Variants in TTC21B observed in about 807,000 individuals in gnomAD.
TTC21B encodes the protein tetratricopeptide repeat protein 21B.
TTC21B carries 127 observed loss-of-function variants against 175.1 expected under a neutral mutation model. The ratio of observed to expected loss-of-function variants is 0.73; its 90% CI spans 0.63 to 0.84. The LOEUF (loss-of-function observed/expected upper bound fraction) is 0.84, where lower values mean the gene tolerates loss of function less well. Ranked by LOEUF, TTC21B falls within the 40% of genes least tolerant of loss-of-function variation. The pLI is 0.00. For synonymous variants in TTC21B, 524 were observed against 524.5 expected, an observed-to-expected ratio of 1.00 and a Z score of 0.01; for missense variants, 1,561 against 1,558.3, an observed-to-expected ratio of 1.00 and a Z score of -0.03.
At chr2:165,929,771 A>T (rs755092753) in intron 9 of TTC21B, 24 bp from the exon 10 acceptor site, 9 of 1,528,788 alleles carry the variant, frequency 5.9e-6, no homozygotes, top group Non-Finnish European at 7.2e-6. Flanking sequence ...GCAGAAAGAC[A>T]GTCAAAGTCC....
chr2:165,873,968 A>C lies in TTC21B; in HGVS notation c.*787T>G, dbSNP rs2105273250. On this transcript the variant is annotated 3_prime_UTR_variant, in exon 29 of 29. Transcript: ENST00000243344. Reference sequence around the variant, plus strand: ...TCATCTATTTATAAAACCTTTATTAAAATATATATTTAAAATATATATATT... The same window carrying C: ...TCATCTATTTATAAAACCTTTATTACAATATATATTTAAAATATATATATT... 6.6e-6 allele frequency: 1 copy of C among 152,034 alleles called. No individual in the cohort carries two copies. Among genetic ancestry groups the C allele is most frequent in the East Asian group, 1.9e-4 (1 of 5,190 alleles). The allele number at this position is 152,034 out of a possible 1,614,324, so 9.4% of individuals were successfully genotyped here.
rs184110011 is a variant in TTC21B at position 165,908,429 on chromosome 2, G to A, written c.2462-645C>T. Reference sequence around the variant, plus strand: ...AAGTAGTGAAAACAAACTCTGGTACGTGGTAAGTTCTATATAAATATTTGG... The same window carrying A: ...AAGTAGTGAAAACAAACTCTGGTACATGGTAAGTTCTATATAAATATTTGG... On this transcript the variant is annotated intron_variant, in intron 18 of 28. Coordinates refer to ENST00000243344, the MANE Select transcript of TTC21B (RefSeq NM_024753.5). 2.6e-5 allele frequency among the ~76,000 whole-genome samples: 4 copies of A among 152,220 alleles called. No homozygotes were observed. The East Asian group carries it at 7.7e-4, about 29-fold the overall frequency.
chr2:165,944,000 T>C (rs571905897), intron 4 of TTC21B, among the ~76,000 whole-genome samples: 3 of 152,262 alleles, frequency 2.0e-5, no homozygotes, highest in African/African-American at 7.2e-5. Context: ...GCTTTTTCTA[T>C]TAAAAAAATC....
intron 19 of TTC21B, among the ~76,000 whole-genome samples, chr2:165,905,778 G>T (rs1419882142): frequency 6.6e-6 from 1 of 152,130 alleles, no homozygotes; most frequent in Non-Finnish European, 1.5e-5. Context: ...GAACAGGGAA[G>T]ATGTACAGAA....
chr2:165,920,679 T>C (rs936944988), intron 12 of TTC21B, among the ~76,000 whole-genome samples: 2 of 144,936 alleles, frequency 1.4e-5, no homozygotes, highest in Non-Finnish European at 3.0e-5. Flanking sequence ...GAGTGCCGTA[T>C]GAGTAACAGA....
At chr2:165,898,870 A>T (rs1685458849) in intron 21 of TTC21B, 103 bp from the exon 22 acceptor site, 1 of 743,256 alleles carries the variant, frequency 1.3e-6, no homozygotes, top group Admixed American at 2.0e-5. Context: ...GATAAACATG[A>T]GGAGGGGGCA....
intron 3 of TTC21B, chr2:165,949,155 A>T: frequency 2.0e-6 from 1 of 502,470 alleles, no homozygotes; most frequent in Non-Finnish European, 3.5e-6. Context: ...ATCTAAAAAA[A>T]TCCCTATGTA....
At chr2:165,891,946 T>C (rs1685209421) in intron 22 of TTC21B, among the ~76,000 whole-genome samples, 1 of 152,132 alleles carries the variant, frequency 6.6e-6, no homozygotes, top group Non-Finnish European at 1.5e-5. Flanking sequence ...TATTTAAATA[T>C]ATACAAAACT....
In TTC21B at chr2:165,929,249, G is replaced by T. The variant is rs533077805; in HGVS notation, c.1272C>A (p.Asp424Glu). ...EVINLLNDVL[D>E]THFSQLEGLP... ...AACCTTCTAATTGTGAAAAGTGAGT[G>T]TCCAGGACATCATTTAACAAATTAA... The change falls in exon 11 of 29, where the codon GAC becomes GAA. Residue 424 changes from aspartate to glutamate, a missense_variant. Transcript: ENST00000243344. 191 of 1,612,798 alleles carry T rather than the reference G, an allele frequency of 1.2e-4. 3 individuals are homozygous for T. The South Asian group carries it at 2.0e-3, about 17-fold the overall frequency.
At chr2:165,946,248 A>T (rs1226014462) in intron 3 of TTC21B, among the ~76,000 whole-genome samples, 1 of 151,682 alleles carries the variant, frequency 6.6e-6, no homozygotes. Context: ...CTGAGGCAGG[A>T]GAATGGCGTG....
At chr2:165,900,490 C>T (rs1031002117) in intron 20 of TTC21B, among the ~76,000 whole-genome samples, 8 of 152,122 alleles carry the variant, frequency 5.3e-5, no homozygotes, top group Non-Finnish European at 1.0e-4. Context: ...ATAATCTCTC[C>T]AAATCCTCTC....
intron 6 of TTC21B, among the ~76,000 whole-genome samples, chr2:165,935,484 T>C (rs531177467): frequency 1.2e-3 from 183 of 152,298 alleles, no homozygotes; most frequent in Non-Finnish European, 2.1e-3. Flanking sequence ...CATAGAATGC[T>C]ACTCAGTTTT....
At chr2:165,945,828 A>G in intron 3 of TTC21B, 138 bp from the exon 4 acceptor site, 1 of 759,012 alleles carries the variant, frequency 1.3e-6, no homozygotes, top group Non-Finnish European at 2.0e-6. Context: ...CAAGCCATAT[A>G]TGTAACTTAA....
intron 7 of TTC21B, among the ~76,000 whole-genome samples, chr2:165,932,245 TG>T (rs1167979510): frequency 6.6e-6 from 1 of 152,118 alleles, no homozygotes; most frequent in African/African-American, 2.4e-5. Context: ...CTATACAGAC[TG>T]GTTTATATTC....
Position 165,907,712 on chromosome 2 carries a change from T to C in TTC21B, c.2534A>G (p.Glu845Gly). The C allele has an allele frequency of 6.2e-7, 1 of 1,613,108 alleles. No individual in the cohort carries two copies. ...TGCAGTGATCGCATCACCAAGTTTT[T>C]CCATTTTACTATAAACTTTTGCTAG... is the stretch of plus-strand genomic sequence containing the variant. ...VLLAKVYSKM[E>G]KLGDAITALQ... Residue 845 changes from glutamate to glycine, a missense_variant, in exon 19 of 29, where the codon GAA becomes GGA. Transcript: ENST00000243344.
At position 165,876,170 on chromosome 2, in the gene TTC21B, G is replaced by A; in HGVS notation, c.3868C>T (p.His1290Tyr). ...KRYVDSIDIC[H>Y]QVLEAHPTYP... ...ATCTAAATTTAAGTGTTTACCTGGT[G>A]ACATATGTCAATTGAATCCACATAT... is the stretch of plus-strand genomic sequence containing the variant. Residue 1290 changes from histidine (H) to tyrosine (Y), a missense_variant, in exon 28 of 29, where the codon CAC becomes TAC. By Grantham distance (83) the His-to-Tyr change is moderately conservative. Transcript: ENST00000243344. The A allele has an allele frequency of 6.3e-7, 1 of 1,590,790 alleles. No individual in the cohort carries two copies. Among genetic ancestry groups the A allele is most frequent in the Non-Finnish European group, 8.6e-7 (1 of 1,161,152 alleles).
Position 165,883,256 on chromosome 2 carries a change from T to C in TTC21B, c.3684+538A>G, listed in dbSNP as rs1227333894. 2.6e-5 allele frequency among the ~76,000 whole-genome samples: 4 copies of C among 152,176 alleles called. 1 individual carries two copies. The highest frequency in any genetic ancestry group is 9.6e-5 in the African/African-American group (4 of 41,452). ...TTGTAATTAAACATCAAAATGTTAG[T>C]AAAAAGCCTTAAATTCTAAGGACTT... On this transcript the variant is annotated intron_variant, in intron 26 of 28. Coordinates refer to ENST00000243344, the MANE Select transcript of TTC21B (RefSeq NM_024753.5).
Position 165,912,521 on chromosome 2 carries a change from T to C in TTC21B, c.2315A>G (p.Tyr772Cys). ...AAACAATAAAGTACTTACCATTGAG[T>C]AGTTATGAGTTTTGATAAGTGCTTT... ...MGKALIKTHN[Y>C]SMAITYYEAA... The change falls in exon 17 of 29, where the codon TAC becomes TGC. Residue 772 changes from tyrosine to cysteine, a missense_variant. Transcript: ENST00000243344. 6.2e-7 allele frequency: 1 copy of C among 1,611,176 alleles called. No homozygotes were observed. The highest frequency in any genetic ancestry group is 8.5e-7 in the Non-Finnish European group (1 of 1,177,360).
At chr2:165,913,447 C>T in intron 16 of TTC21B, 127 bp downstream of exon 16, 2 of 669,446 alleles carry the variant, frequency 3.0e-6, no homozygotes, top group Non-Finnish European at 2.6e-6. Flanking sequence ...GGATATCTCC[C>T]TTTTACTGTG....
Sources: allele counts gnomAD v4.1 joint callset (sites outside exome capture counted in the v4.1 genomes callset), GRCh38; gene constraint gnomAD v4.1.1; transcripts MANE v1.5; gene names NCBI Gene and HGNC (gene_info 2026-07-23, HGNC 2026-07-21).